The following PHLDB2 variants were observed in gnomAD, a reference collection of about 807,000 sequenced individuals.
PHLDB2 encodes the protein pleckstrin homology like domain family B member 2.
PHLDB2 carries 71 observed loss-of-function variants against 123.6 expected under a neutral mutation model. That is an observed-to-expected ratio of 0.57 (90% CI 0.47 to 0.70). PHLDB2 has a LOEUF of 0.70. Ranked by LOEUF, PHLDB2 falls within the 30% of genes least tolerant of loss-of-function variation. PHLDB2 has a pLI of 0.00. For missense variants in PHLDB2, 1,446 were observed against 1,519.5 expected (o/e 0.95, Z 0.80); for synonymous variants, 547 against 541.6 (o/e 1.01, Z -0.14).
chr3:111,960,256 T>C (rs1382817311), intron 12 of PHLDB2: 1 of 343,782 alleles, frequency 2.9e-6, no homozygotes, highest in Non-Finnish European at 4.1e-6. Flanking sequence ...TATACCAGCT[T>C]CATTTAATGC....
intron 1 of PHLDB2, among the ~76,000 whole-genome samples, chr3:111,783,420 G>A (rs1214668371): frequency 6.6e-6 from 1 of 151,984 alleles, no homozygotes; most frequent in Non-Finnish European, 1.5e-5. Context: ...TTTCAAGACT[G>A]AGGCTTGGAG....
At chr3:111,786,979 CA>C (rs951670727) in intron 1 of PHLDB2, among the ~76,000 whole-genome samples, 7 of 150,992 alleles carry the variant, frequency 4.6e-5, no homozygotes, top group African/African-American at 9.7e-5. Context: ...TGTCATTCAT[CA>C]AAAAAAAAGT....
intron 1 of PHLDB2, among the ~76,000 whole-genome samples, chr3:111,807,018 C>T (rs1342179735): frequency 6.6e-6 from 1 of 151,448 alleles, no homozygotes; most frequent in African/African-American, 2.4e-5. Context: ...CACACATTTG[C>T]CGATTCTCAG....
intron 1 of PHLDB2, among the ~76,000 whole-genome samples, chr3:111,738,053 C>G: frequency 6.6e-6 from 1 of 152,256 alleles, no homozygotes; most frequent in South Asian, 2.1e-4. Context: ...AATACCCCTA[C>G]GAATTCCAAG....
intron 1 of PHLDB2, among the ~76,000 whole-genome samples, chr3:111,747,076 C>A (rs190603864): frequency 2.0e-5 from 3 of 152,172 alleles, no homozygotes; most frequent in African/African-American, 4.8e-5. Flanking sequence ...AACTTCTGTG[C>A]AAAATATTTT....
At chr3:111,890,788 A>G (rs928426387) in intron 2 of PHLDB2, among the ~76,000 whole-genome samples, 2 of 152,210 alleles carry the variant, frequency 1.3e-5, no homozygotes, top group Non-Finnish European at 2.9e-5. Flanking sequence ...TTGAGTCCGT[A>G]TTAAATAACC....
chr3:111,790,649 G>A (rs752220473), intron 1 of PHLDB2, among the ~76,000 whole-genome samples: 10 of 152,124 alleles, frequency 6.6e-5, no homozygotes, highest in Non-Finnish European at 1.2e-4. Context: ...TGAGGTGAGC[G>A]CAGTGCAAGG....
chr3:111,792,688 C>G (rs978375210), intron 1 of PHLDB2, among the ~76,000 whole-genome samples: 1 of 151,976 alleles, frequency 6.6e-6, no homozygotes, highest in Non-Finnish European at 1.5e-5. Flanking sequence ...TCCGGGGTGA[C>G]CAAACAAGAC....
intron 5 of PHLDB2, 120 bp downstream of exon 5, chr3:111,920,539 C>A: frequency 8.1e-7 from 1 of 1,238,508 alleles, no homozygotes; most frequent in African/African-American, 1.5e-5. Context: ...TTCCTGGAGG[C>A]AGTGGCACTA....
At chr3:111,753,282 C>T (rs2059817327) in intron 1 of PHLDB2, among the ~76,000 whole-genome samples, 1 of 148,530 alleles carries the variant, frequency 6.7e-6, no homozygotes, top group Middle Eastern at 3.4e-3. Flanking sequence ...AAAAGTGTTC[C>T]TATTTCTCCA....
chr3:111,818,806 C>A (rs775615255), intron 1 of PHLDB2, among the ~76,000 whole-genome samples: 1 of 152,054 alleles, frequency 6.6e-6, no homozygotes, highest in Non-Finnish European at 1.5e-5. Context: ...AATCACTGAA[C>A]CCCTTGAACC....
At chr3:111,769,474 A>G (rs918140541) in intron 1 of PHLDB2, among the ~76,000 whole-genome samples, 2 of 152,148 alleles carry the variant, frequency 1.3e-5, no homozygotes, top group South Asian at 4.1e-4. Context: ...CCAAGTATTC[A>G]TTATCTGTCT....
intron 1 of PHLDB2, among the ~76,000 whole-genome samples, chr3:111,777,631 T>C (rs527272650): frequency 2.0e-5 from 3 of 152,136 alleles, no homozygotes; most frequent in Non-Finnish European, 4.4e-5. Flanking sequence ...CTTTCTGTTA[T>C]GTGCCACATT....
intron 1 of PHLDB2, among the ~76,000 whole-genome samples, chr3:111,777,044 CAG>C (rs1445886524): frequency 7.3e-6 from 1 of 136,694 alleles, no homozygotes; most frequent in Non-Finnish European, 1.5e-5. Context: ...GAGCCAGTTA[CAG>C]GCAATGACAC....
chr3:111,966,655 A>C lies in PHLDB2; in HGVS notation c.3120A>C (p.Arg1040Ser). 1.7e-5 allele frequency: 27 copies of C among 1,613,398 alleles called. No homozygotes were observed. The highest frequency in any genetic ancestry group is 2.3e-5 in the Non-Finnish European group (27 of 1,179,658). The change falls in exon 14 of 18, where the codon AGA becomes AGC. Residue 1040 changes from arginine to serine, a missense_variant. Physicochemically the swap from Arg to Ser is moderately radical, Grantham distance 110. Around this residue, in one of 3 missense-constraint regions of PHLDB2, gnomAD observed 594 missense variants for 646.0 expected, o/e 0.92. Transcript: ENST00000431670. The part of the protein sequence containing the change: ...SNIARIEEME[R>S]LLKQAHAEKT... ...TTGCTAGAATAGAAGAAATGGAGAGACTTTTGAAGCAGGCTCATGCAGAAA... is the reference window on the plus strand; with the variant it reads ...TTGCTAGAATAGAAGAAATGGAGAGCCTTTTGAAGCAGGCTCATGCAGAAA...
intron 1 of PHLDB2, among the ~76,000 whole-genome samples, chr3:111,772,287 A>C (rs2060192528): frequency 6.6e-6 from 1 of 152,156 alleles, no homozygotes; most frequent in Non-Finnish European, 1.5e-5. Context: ...GAAAAGTTCT[A>C]CAAGTAGTAT....
chr3:111,784,217 TTTCTCTTAATAAAG>T (rs1210937105), intron 1 of PHLDB2, among the ~76,000 whole-genome samples: 1 of 152,136 alleles, frequency 6.6e-6, no homozygotes, highest in African/African-American at 2.4e-5. Flanking sequence ...CGAACAGGAA[TTTCTCTTAATAAAG>T]TATTATATAG....
At chr3:111,733,251 A>G (rs1941563857) in intron 1 of PHLDB2, among the ~76,000 whole-genome samples, 1 of 152,230 alleles carries the variant, frequency 6.6e-6, no homozygotes, top group African/African-American at 2.4e-5. Context: ...TTACTGGAGC[A>G]GAATCAAGCC....
At chr3:111,927,721 C>G (rs1273935401) in intron 5 of PHLDB2, among the ~76,000 whole-genome samples, 1 of 152,130 alleles carries the variant, frequency 6.6e-6, no homozygotes, top group East Asian at 1.9e-4. Context: ...TTCAGTGTAG[C>G]TGAATGTCTT....
Sources: gnomAD v4.1 joint callset for allele counts (sites outside exome capture counted in the v4.1 genomes callset) on GRCh38, gnomAD v4.1.1 for gene constraint, gnomAD v4.1.1 regional missense constraint, MANE v1.5 for transcripts, NCBI Gene and HGNC (gene_info 2026-07-23, HGNC 2026-07-21) for gene names.